Variants in ELOVL6 observed in about 807,000 individuals in gnomAD.
ELOVL6 encodes the protein ELOVL fatty acid elongase 6, also known as very long chain fatty acid elongase 6.
In ELOVL6, 8 loss-of-function variants were observed where a neutral mutation model predicts 31.7. The ratio of observed to expected loss-of-function variants is 0.25; its 90% CI spans 0.15 to 0.45. ELOVL6 has a LOEUF of 0.45. Among genes scored for constraint, ELOVL6 ranks in the 20% least tolerant of loss-of-function variants. ELOVL6 has a pLI of 1.00. For missense variants in ELOVL6, 126 were observed against 326.4 expected (o/e 0.39, Z 4.73); for synonymous variants, 101 against 117.7 (o/e 0.86, Z 0.92).
intron 1 of ELOVL6, among the ~76,000 whole-genome samples, chr4:110,132,775 G>A (rs948508326): frequency 6.6e-6 from 1 of 152,086 alleles, no homozygotes; most frequent in South Asian, 2.1e-4. Context: ...AGGATGTGGA[G>A]GTTGCAGTGA....
At chr4:110,086,768 T>C (rs1334757650) in intron 2 of ELOVL6, among the ~76,000 whole-genome samples, 1 of 152,194 alleles carries the variant, frequency 6.6e-6, no homozygotes, top group East Asian at 1.9e-4. Flanking sequence ...TATCCATTCA[T>C]TGTGTTTAAA....
intron 1 of ELOVL6, among the ~76,000 whole-genome samples, chr4:110,137,638 T>C (rs554048323): frequency 3.1e-4 from 47 of 152,312 alleles, no homozygotes; most frequent in African/African-American, 1.0e-3. Flanking sequence ...TATTTATTAA[T>C]AGAATGTGGA....
At chr4:110,058,396 C>G (rs951539325) in intron 3 of ELOVL6, among the ~76,000 whole-genome samples, 1 of 152,092 alleles carries the variant, frequency 6.6e-6, no homozygotes, top group Non-Finnish European at 1.5e-5. Context: ...GAAAAATTTT[C>G]TTCTGTTGTT....
chr4:110,049,773 T>C lies in ELOVL6; in HGVS notation c.*1565A>G, dbSNP rs997409936. 2 of 150,954 alleles carry C rather than the reference T, an allele frequency of 1.3e-5. No homozygotes were observed. Among genetic ancestry groups the C allele is most frequent in the African/African-American group, 4.9e-5 (2 of 40,692 alleles). The allele number at this position is 150,954 out of a possible 1,614,324, so 9.4% of individuals were successfully genotyped here. On this transcript the variant is annotated 3_prime_UTR_variant, in exon 4 of 4. Transcript: ENST00000302274. ...CATTAAGCTACTTAACCAATTATAATACTATTATGTCACATTGAACAACTT... is the reference window on the plus strand; with the variant it reads ...CATTAAGCTACTTAACCAATTATAACACTATTATGTCACATTGAACAACTT...
chr4:110,070,932 G>A (rs1305437087), intron 2 of ELOVL6, among the ~76,000 whole-genome samples: 2 of 152,064 alleles, frequency 1.3e-5, no homozygotes, highest in Non-Finnish European at 2.9e-5. Flanking sequence ...AATGTAAGAA[G>A]GGACGAATAA....
intron 2 of ELOVL6, among the ~76,000 whole-genome samples, chr4:110,062,906 A>G (rs1278209310): frequency 6.6e-6 from 1 of 152,236 alleles, no homozygotes; most frequent in Non-Finnish European, 1.5e-5. Flanking sequence ...AATATCTAAC[A>G]TGCAAATTCA....
chr4:110,161,881 C>T (rs1758639883), intron 1 of ELOVL6, among the ~76,000 whole-genome samples: 1 of 152,138 alleles, frequency 6.6e-6, no homozygotes, highest in African/African-American at 2.4e-5. Context: ...TCCCTAAGTG[C>T]AAGGGTTCCA....
intron 1 of ELOVL6, among the ~76,000 whole-genome samples, chr4:110,175,335 T>C (rs1228397754): frequency 1.3e-5 from 2 of 152,042 alleles, no homozygotes; most frequent in African/African-American, 4.8e-5. Flanking sequence ...TGAGCCAACA[T>C]TGCGCTACTG....
At chr4:110,098,407 G>A (rs1756651555) in intron 2 of ELOVL6, among the ~76,000 whole-genome samples, 1 of 152,062 alleles carries the variant, frequency 6.6e-6, no homozygotes, top group Non-Finnish European at 1.5e-5. Context: ...GTCATTAATT[G>A]CATTCAACTT....
intron 3 of ELOVL6, 90 bp downstream of exon 3, chr4:110,059,513 G>A (rs771243620): frequency 2.2e-5 from 31 of 1,387,542 alleles, no homozygotes; most frequent in Non-Finnish European, 2.7e-5. Context: ...CAACAAAATA[G>A]GACCTTCAAA....
chr4:110,081,230 T>A (rs1427051010), intron 2 of ELOVL6, among the ~76,000 whole-genome samples: 1 of 152,124 alleles, frequency 6.6e-6, no homozygotes, highest in Non-Finnish European at 1.5e-5. Flanking sequence ...TTCACAGAAT[T>A]GGAAAAAACC....
chr4:110,122,721 C>G (rs980173172), intron 1 of ELOVL6, among the ~76,000 whole-genome samples: 8 of 152,224 alleles, frequency 5.3e-5, no homozygotes, highest in African/African-American at 1.9e-4. Context: ...CCTCTCCCTA[C>G]TCCTCTGGAA....
chr4:110,081,740 A>T (rs1361789520), intron 2 of ELOVL6, among the ~76,000 whole-genome samples: 2 of 150,836 alleles, frequency 1.3e-5, no homozygotes, highest in Admixed American at 1.3e-4. Flanking sequence ...AAAATTGACA[A>T]ATGGGATCTA....
intron 1 of ELOVL6, among the ~76,000 whole-genome samples, chr4:110,193,373 G>A (rs1162055836): frequency 1.3e-5 from 2 of 152,194 alleles, no homozygotes; most frequent in Non-Finnish European, 2.9e-5. Flanking sequence ...CGGAGGCCGA[G>A]GTGGGCGGAT....
At chr4:110,094,481 T>C (rs1200616536) in intron 2 of ELOVL6, among the ~76,000 whole-genome samples, 2 of 137,428 alleles carry the variant, frequency 1.5e-5, no homozygotes, top group African/African-American at 5.3e-5. Flanking sequence ...ATAAAATATA[T>C]GTAATTATAA....
At chr4:110,184,286 T>G (rs1384331) in intron 1 of ELOVL6, among the ~76,000 whole-genome samples, 60,348 of 151,864 alleles carry the variant, frequency 0.4, 12,225 homozygotes, top group South Asian at 0.51. Context: ...ATGCATGCAT[T>G]CATTCAACTA....
At chr4:110,063,569 T>G (rs887503933) in intron 2 of ELOVL6, among the ~76,000 whole-genome samples, 1 of 152,018 alleles carries the variant, frequency 6.6e-6, no homozygotes, top group Admixed American at 6.6e-5. Flanking sequence ...TAGAAGGGCT[T>G]GAAGGAGAGG....
rs544845197 is a variant in ELOVL6, at chr4:110,121,698, C to CA, written c.90-16071dup. ...TGGGCGACAGATCGAGACTCTGTCTCAAAAAAAAAGTAGTAGTTTTTATCA... is the reference window on the plus strand; with the variant it reads ...TGGGCGACAGATCGAGACTCTGTCTCAAAAAAAAAAGTAGTAGTTTTTATCA... On this transcript the variant is annotated intron_variant, in intron 1 of 3. Coordinates refer to ENST00000302274, the MANE Select transcript of ELOVL6 (RefSeq NM_024090.3). Among the ~76,000 whole-genome samples the CA allele has an allele frequency of 5.8e-3, 882 of 151,038 alleles. 7 individuals are homozygous for CA. The highest frequency in any genetic ancestry group is 9.0e-3 in the Non-Finnish European group (609 of 67,702).
chr4:110,192,482 C>G (rs1759653926), intron 1 of ELOVL6, among the ~76,000 whole-genome samples: 1 of 152,100 alleles, frequency 6.6e-6, no homozygotes, highest in Admixed American at 6.5e-5. Context: ...AAAAAAGCAA[C>G]AGGCAATCCT....
Sources: gnomAD v4.1 joint callset for allele counts (sites outside exome capture counted in the v4.1 genomes callset) on GRCh38, gnomAD v4.1.1 for gene constraint, MANE v1.5 for transcripts, NCBI Gene and HGNC (gene_info 2026-07-23, HGNC 2026-07-21) for gene names.